The following CUL4A variants were observed in gnomAD, a reference collection of about 807,000 sequenced individuals.
CUL4A encodes cullin-4A.
A neutral mutation model predicts 95.5 loss-of-function variants in CUL4A; 16 were observed. That is an observed-to-expected ratio of 0.17 (90% CI 0.11 to 0.25). The LOEUF is 0.25. Ranked by LOEUF, CUL4A falls within the 10% of genes least tolerant of loss-of-function variation. The pLI, the probability that CUL4A is intolerant of heterozygous loss-of-function variation, is 1.00. For missense variants in CUL4A, 610 were observed against 937.0 expected, an observed-to-expected ratio of 0.65 and a Z score of 4.56; for synonymous variants, 380 against 353.1, an observed-to-expected ratio of 1.08 and a Z score of -0.85.
chr13:113,215,152 G>T (rs1258687706), intron 2 of CUL4A, among the ~76,000 whole-genome samples: 1 of 150,526 alleles, frequency 6.6e-6, no homozygotes, highest in African/African-American at 2.4e-5. Context: ...GGCTGTGGAG[G>T]TCGCTGTGTG....
rs548819906 is a variant in CUL4A, at chr13:113,211,510, G to A, written c.264+1422G>A. On this transcript the variant is annotated intron_variant, in intron 2 of 19. Transcript: ENST00000375440. ...AGCGATTCTCCTGCCTCAGCCTCCCGAGTCGCTGGGATTACAGGCACCTGC... is the reference window on the plus strand; with the variant it reads ...AGCGATTCTCCTGCCTCAGCCTCCCAAGTCGCTGGGATTACAGGCACCTGC... 9.3e-4 allele frequency among the ~76,000 whole-genome samples: 142 copies of A among 152,266 alleles called. 1 individual carries two copies. Among genetic ancestry groups the A allele is most frequent in the African/African-American group, 3.2e-3 (132 of 41,552 alleles).
chr13:113,239,455 G>C lies in CUL4A; in HGVS notation c.939G>C (p.Glu313Asp), dbSNP rs2041642804. ...LQKGLDHLLDENRVPDLAQMY... is the reference protein window; with the variant it reads ...LQKGLDHLLDDNRVPDLAQMY... ...CAGGGCTCGACCACTTACTGGATGAGAACAGAGTGCCGGACCTCGCACAGA... is the reference window on the plus strand; with the variant it reads ...CAGGGCTCGACCACTTACTGGATGACAACAGAGTGCCGGACCTCGCACAGA... Residue 313 changes from glutamate (E) to aspartate (D), a missense_variant, in exon 10 of 20, where the codon GAG (glutamate) becomes GAC (aspartate). Transcript: ENST00000375440. 6.2e-7 allele frequency: 1 copy of C among 1,614,002 alleles called. No homozygotes were observed. Among genetic ancestry groups the C allele is most frequent in the Non-Finnish European group, 8.5e-7 (1 of 1,179,976 alleles).
chr13:113,218,809 T>C (rs2040790153), intron 2 of CUL4A, 136 bp from the exon 3 acceptor site: 2 of 595,242 alleles, frequency 3.4e-6, no homozygotes, highest in South Asian at 2.2e-5. Flanking sequence ...AGTAATTTAT[T>C]TGTAGATTCC....
chr13:113,259,596 GATGGTC>G (rs2042216714), intron 18 of CUL4A, among the ~76,000 whole-genome samples: 1 of 152,130 alleles, frequency 6.6e-6, no homozygotes, highest in African/African-American at 2.4e-5. Context: ...CATCTATCAA[GATGGTC>G]ATGTAATCTA....
intron 19 of CUL4A, among the ~76,000 whole-genome samples, chr13:113,261,638 G>A (rs900585436): frequency 6.6e-6 from 1 of 152,204 alleles, no homozygotes; most frequent in Admixed American, 6.5e-5. Context: ...CAGGCCCAGC[G>A]CGAAGCAGAG....
intron 15 of CUL4A, among the ~76,000 whole-genome samples, chr13:113,250,478 G>A (rs2041966163): frequency 6.6e-6 from 1 of 152,102 alleles, no homozygotes; most frequent in Non-Finnish European, 1.5e-5. Flanking sequence ...AAATAAAATA[G>A]CACTATGTAT....
upstream of CUL4A, chr13:113,208,402 T>C (rs2040110800): frequency 2.7e-6 from 4 of 1,472,468 alleles, no homozygotes; most frequent in African/African-American, 4.2e-5. Context: ...ACGGCGGCCC[T>C]GCAGGGGAGA....
intron 8 of CUL4A, 48 bp from the exon 9 acceptor site, chr13:113,236,775 T>A: frequency 7.7e-7 from 1 of 1,292,224 alleles, no homozygotes; most frequent in South Asian, 1.2e-5. Flanking sequence ...AGAACCAGTC[T>A]CTTCTTTAAA....
intron 2 of CUL4A, among the ~76,000 whole-genome samples, chr13:113,212,637 T>C (rs2040492581): frequency 6.6e-6 from 1 of 151,942 alleles, no homozygotes; most frequent in Non-Finnish European, 1.5e-5. Context: ...TACAAAAAAT[T>C]AGCCGGGCGT....
intron 5 of CUL4A, chr13:113,229,738 A>T: frequency 1.9e-6 from 1 of 534,426 alleles, no homozygotes; most frequent in Non-Finnish European, 3.3e-6. Context: ...GGAAGCTCGG[A>T]CAGGCGGCTG....
chr13:113,234,545 A>G (rs914923218), intron 7 of CUL4A, among the ~76,000 whole-genome samples: 1 of 152,166 alleles, frequency 6.6e-6, no homozygotes, highest in Admixed American at 6.5e-5. Context: ...CATGTCAGAT[A>G]CTGAGCCCAG....
At chr13:113,254,854 T>C (rs1246254691) in intron 17 of CUL4A, 56 bp downstream of exon 17, 1 of 1,583,568 alleles carries the variant, frequency 6.3e-7, no homozygotes, top group Non-Finnish European at 8.7e-7. Flanking sequence ...CATGTATTTG[T>C]TTTAAGATAA....
At chr13:113,208,729 C>T, upstream of CUL4A, 1 of 1,493,720 alleles carries the variant, frequency 6.7e-7, no homozygotes, top group Non-Finnish European at 8.9e-7. Context: ...TCCTGGCGCC[C>T]CCGGCCCCGC....
intron 9 of CUL4A, among the ~76,000 whole-genome samples, chr13:113,238,575 A>G (rs547392369): frequency 3.3e-5 from 5 of 152,238 alleles, no homozygotes; most frequent in African/African-American, 4.8e-5. Flanking sequence ...TATTAGAAAT[A>G]TTTTAAAAAT....
intron 18 of CUL4A, among the ~76,000 whole-genome samples, chr13:113,260,258 A>G (rs1447632120): frequency 6.8e-6 from 1 of 147,246 alleles, no homozygotes; most frequent in East Asian, 2.0e-4. Flanking sequence ...GGTCATTAAT[A>G]TTGAAATATA....
chr13:113,259,610 C>CT, intron 18 of CUL4A, among the ~76,000 whole-genome samples: 1 of 152,278 alleles, frequency 6.6e-6, no homozygotes, highest in South Asian at 2.1e-4. Flanking sequence ...GTCATGTAAT[C>CT]TAACCTTTCA....
At position 113,219,024 on chromosome 13, in the gene CUL4A, A is replaced by G. The variant is rs949676763; in HGVS notation, c.344A>G (p.Gln115Arg). 2 of 1,611,738 alleles carry G rather than the reference A, an allele frequency of 1.2e-6. No homozygotes were observed. Among genetic ancestry groups the G allele is most frequent in the Non-Finnish European group, 8.5e-7 (1 of 1,178,930 alleles). ...QLRQACEDHV[Q>R]AQILPFREDS... is the part of the protein sequence containing the mutation. ...CGTCAGGCCTGTGAAGACCACGTCC[A>G]GGCACAGATCCTTCCGTTTAGAGAA... Residue 115 changes from glutamine (Q) to arginine (R), a missense_variant, in exon 3 of 20, where the codon CAG becomes CGG. Coordinates refer to ENST00000375440, the MANE Select transcript of CUL4A (RefSeq NM_001008895.4).
intron 3 of CUL4A, among the ~76,000 whole-genome samples, 169 bp from the exon 4 acceptor site, chr13:113,227,807 A>G (rs1390626792): frequency 1.3e-5 from 2 of 151,838 alleles, no homozygotes; most frequent in Non-Finnish European, 2.9e-5. Context: ...CAAGAGGCTG[A>G]GGCAGGAGAA....
At chr13:113,240,094 C>T (rs1170063529) in intron 10 of CUL4A, among the ~76,000 whole-genome samples, 1 of 152,214 alleles carries the variant, frequency 6.6e-6, no homozygotes, top group African/African-American at 2.4e-5. Flanking sequence ...GGGCAGTACC[C>T]TGAGTTTTCA....
Sources: gnomAD v4.1 joint callset for allele counts (sites outside exome capture counted in the v4.1 genomes callset) on GRCh38, gnomAD v4.1.1 for gene constraint, MANE v1.5 for transcripts, NCBI Gene and HGNC (gene_info 2026-07-23, HGNC 2026-07-21) for gene names.